DNAH3: variants seen among roughly 807,000 people sequenced by gnomAD.
The protein encoded by DNAH3 is dynein axonemal heavy chain 3, also known as axonemal beta dynein heavy chain 3.
DNAH3 carries 332 observed loss-of-function variants against 432.5 expected under a neutral mutation model. The ratio of observed to expected loss-of-function variants is 0.77; its 90% CI spans 0.70 to 0.84. The LOEUF is 0.84. Ranked by LOEUF, DNAH3 falls within the 40% of genes least tolerant of loss-of-function variation. The pLI, the probability that DNAH3 is intolerant of heterozygous loss-of-function variation, is 0.00. For synonymous variants in DNAH3, 1,956 were observed against 1,900.2 expected (o/e 1.03, Z -0.76); for missense variants, 4,861 against 5,114.0 (o/e 0.95, Z 1.51).
At chr16:21,000,774 G>T (rs1407716649) in intron 42 of DNAH3, among the ~76,000 whole-genome samples, 1 of 152,188 alleles carries the variant, frequency 6.6e-6, no homozygotes, top group African/African-American at 2.4e-5. Context: ...TCTGTGTGTT[G>T]TAGATGAGAA....
At chr16:21,003,334 G>T in intron 41 of DNAH3, 127 bp from the exon 42 acceptor site, 1 of 626,328 alleles carries the variant, frequency 1.6e-6, no homozygotes. Context: ...TGGCATAGTT[G>T]TGGTGAAACT....
chr16:21,125,145 A>G, intron 9 of DNAH3, 30 bp downstream of exon 10: 1 of 1,544,844 alleles, frequency 6.5e-7, no homozygotes, highest in South Asian at 1.3e-5. Context: ...TATTCCCCTC[A>G]AAAGGTCCAA....
chr16:20,988,178 C>G (rs770679116), intron 44 of DNAH3, 113 bp from the exon 45 acceptor site: 47 of 1,402,750 alleles, frequency 3.4e-5, no homozygotes, highest in Non-Finnish European at 4.6e-5. Flanking sequence ...TGTTCCAGAG[C>G]TGTGCTGTGC....
chr16:21,053,040 G>A (rs117289786), intron 28 of DNAH3, among the ~76,000 whole-genome samples: 9 of 152,160 alleles, frequency 5.9e-5, no homozygotes, highest in Non-Finnish European at 1.3e-4. Flanking sequence ...CTAGGCTGAT[G>A]AGAATCATTC....
chr16:21,112,651 C>A (rs148405923), intron 12 of DNAH3, among the ~76,000 whole-genome samples: 86 of 152,270 alleles, frequency 5.6e-4, no homozygotes, highest in African/African-American at 2.0e-3. Flanking sequence ...CTAGGAGATA[C>A]AATTCAAATT....
chr16:21,060,831 T>C (rs989052862), intron 25 of DNAH3, among the ~76,000 whole-genome samples: 11 of 142,114 alleles, frequency 7.7e-5, no homozygotes, highest in African/African-American at 1.8e-4. Flanking sequence ...GTCTCTTCTT[T>C]TTTTTTTTTT....
chr16:21,154,785 T>C (rs1413408003), intron 1 of DNAH3, among the ~76,000 whole-genome samples: 2 of 152,126 alleles, frequency 1.3e-5, no homozygotes, highest in African/African-American at 2.4e-5. Flanking sequence ...CTACATGTAA[T>C]CTGAGGAAAG....
chr16:21,134,272 G>C, exon 7 of DNAH3: 2 of 1,611,090 alleles, frequency 1.2e-6, no homozygotes, highest in Non-Finnish European at 8.5e-7. Flanking sequence ...GCAAACCACA[G>C]TTCTTTCAGC....
chr16:20,963,271 A>G lies in DNAH3; in HGVS notation c.10600+13T>C, dbSNP rs752268446. The G allele has an allele frequency of 6.2e-7, 1 of 1,609,194 alleles. No individual in the cohort carries two copies. Among genetic ancestry groups the G allele is most frequent in the Non-Finnish European group, 8.5e-7 (1 of 1,177,124 alleles). On this transcript the variant is annotated intron_variant, in intron 53 of 61. Coordinates refer to ENST00000261383, the Ensembl canonical transcript of DNAH3. Reference sequence around the variant, plus strand: ...GGGCTTTCCACGTCTCTCCCACAACACTCTGTTCTTACCTGCCATTGGGTC... The same window carrying G: ...GGGCTTTCCACGTCTCTCCCACAACGCTCTGTTCTTACCTGCCATTGGGTC...
chr16:20,986,447 C>T (rs1453785909), intron 47 of DNAH3, among the ~76,000 whole-genome samples: 2 of 152,052 alleles, frequency 1.3e-5, no homozygotes, highest in African/African-American at 4.8e-5. Context: ...CTTGAGGCTG[C>T]AGTGTGCTAT....
chr16:21,019,828 C>A lies in DNAH3; in HGVS notation c.5818G>T (p.Glu1940Ter). 6.2e-7 allele frequency: 1 copy of A among 1,614,138 alleles called. No homozygotes were observed. The highest frequency in any genetic ancestry group is 8.5e-7 in the Non-Finnish European group (1 of 1,180,032). Residue 1940 changes from glutamate (E) to a stop codon, truncating the protein, a stop_gained, in exon 41 of 62, where the codon GAA becomes TAA. Coordinates refer to ENST00000261383, the Ensembl canonical transcript of DNAH3. LOFTEE classifies it high-confidence loss of function. ...AAGATCTGTTGACTTGACAGGCCTT[C>A]ACCTAATTCCATTTCCTCCTCTTCT...
At chr16:21,033,696 C>T (rs546180408) in intron 36 of DNAH3, among the ~76,000 whole-genome samples, 32 of 152,300 alleles carry the variant, frequency 2.1e-4, no homozygotes, top group Non-Finnish European at 8.8e-5. Context: ...AAGAGTTTCT[C>T]TTTCACTGGG....
chr16:21,157,446 C>T (rs1195048062), intron 1 of DNAH3, among the ~76,000 whole-genome samples: 6 of 151,210 alleles, frequency 4.0e-5, no homozygotes, highest in African/African-American at 1.5e-4. Context: ...ACTTCTGCCT[C>T]AGCCTCCCGA....
At chr16:21,124,647 T>G (rs72780869) in intron 9 of DNAH3, among the ~76,000 whole-genome samples, 145 of 81,698 alleles carry the variant, frequency 1.8e-3, no homozygotes, top group African/African-American at 5.8e-3. Context: ...AACATTTACT[T>G]TTTTTTTTTT....
At chr16:21,154,201 C>T (rs751505904) in intron 1 of DNAH3, among the ~76,000 whole-genome samples, 5 of 152,180 alleles carry the variant, frequency 3.3e-5, no homozygotes, top group Non-Finnish European at 7.3e-5. Context: ...GTCAGGGGTT[C>T]AAGACCAACC....
intron 28 of DNAH3, among the ~76,000 whole-genome samples, chr16:21,053,554 T>G (rs185117075): frequency 5.9e-5 from 9 of 152,310 alleles, no homozygotes; most frequent in Non-Finnish European, 4.4e-5. Context: ...TAACCACATC[T>G]GCACCAATTA....
intron 8 of DNAH3, among the ~76,000 whole-genome samples, chr16:21,125,873 G>A (rs971976023): frequency 2.0e-5 from 3 of 152,176 alleles, no homozygotes; most frequent in African/African-American, 7.2e-5. Flanking sequence ...ATAGCCAAGT[G>A]TGGTGGCTCA....
At chr16:21,102,653 G>A (rs980728467) in intron 16 of DNAH3, among the ~76,000 whole-genome samples, 2 of 152,074 alleles carry the variant, frequency 1.3e-5, no homozygotes, top group Non-Finnish European at 2.9e-5. Context: ...TGCCACCCAA[G>A]TTGTAAGTTT....
intron 1 of DNAH3, among the ~76,000 whole-genome samples, chr16:21,146,389 C>T (rs2092783892): frequency 6.6e-6 from 1 of 152,124 alleles, no homozygotes; most frequent in Non-Finnish European, 1.5e-5. Context: ...AACCCTGTCT[C>T]TACTAAAAAT....
Sources: gnomAD v4.1 joint callset for allele counts (sites outside exome capture counted in the v4.1 genomes callset) on GRCh38, gnomAD v4.1.1 for gene constraint, MANE v1.5 for transcripts, NCBI Gene and HGNC (gene_info 2026-07-23, HGNC 2026-07-21) for gene names.